NOL4: variants seen among roughly 807,000 people sequenced by gnomAD.
NOL4 encodes the protein cancer/testis antigen 125.
Under a neutral mutation model 75.9 loss-of-function variants are expected in NOL4, and 17 were observed. The ratio of observed to expected loss-of-function variants is 0.22; its 90% CI spans 0.15 to 0.34. The LOEUF (loss-of-function observed/expected upper bound fraction) is 0.34, where lower values mean the gene tolerates loss of function less well. Ranked by LOEUF, NOL4 falls within the 10% of genes least tolerant of loss-of-function variation. The pLI is 1.00. For synonymous variants in NOL4, 292 were observed against 289.9 expected, an observed-to-expected ratio of 1.01 and a Z score of -0.07; for missense variants, 614 against 793.5, an observed-to-expected ratio of 0.77 and a Z score of 2.72.
At chr18:34,168,672 G>A (rs2032697127) in intron 1 of NOL4, among the ~76,000 whole-genome samples, 1 of 151,538 alleles carries the variant, frequency 6.6e-6, no homozygotes, top group Admixed American at 6.6e-5. Flanking sequence ...TTAAACCCTT[G>A]ATAACAAAAG....
chr18:33,886,996 G>C (rs1271241218), intron 9 of NOL4, among the ~76,000 whole-genome samples: 1 of 127,454 alleles, frequency 7.8e-6, no homozygotes, highest in Non-Finnish European at 1.6e-5. Context: ...TATATATCTA[G>C]ATATATCTAT....
intron 1 of NOL4, among the ~76,000 whole-genome samples, chr18:34,148,986 A>G (rs760076740): frequency 1.3e-4 from 20 of 151,704 alleles, no homozygotes; most frequent in Middle Eastern, 3.2e-3. Context: ...ATTATTTAAT[A>G]TAAATATAGG....
intron 2 of NOL4, among the ~76,000 whole-genome samples, chr18:34,110,051 A>C (rs1202317825): frequency 2.8e-5 from 4 of 144,090 alleles, no homozygotes; most frequent in African/African-American, 1.0e-4. Context: ...TGACGGCTTC[A>C]CTGGTAAATT....
At chr18:34,075,509 C>T (rs953179344) in intron 5 of NOL4, among the ~76,000 whole-genome samples, 5 of 152,188 alleles carry the variant, frequency 3.3e-5, no homozygotes, top group African/African-American at 1.2e-4. Context: ...GAATTTTCCA[C>T]TTGTGGCATC....
chr18:34,215,292 G>A (rs1208090723), intron 1 of NOL4, among the ~76,000 whole-genome samples: 1 of 152,170 alleles, frequency 6.6e-6, no homozygotes, highest in Non-Finnish European at 1.5e-5. Flanking sequence ...GTCCCATTAT[G>A]TCATGTCAGA....
chr18:33,894,848 G>A (rs566727070), intron 9 of NOL4, among the ~76,000 whole-genome samples: 1 of 152,058 alleles, frequency 6.6e-6, no homozygotes, highest in South Asian at 2.1e-4. Context: ...GGAATGGAGG[G>A]TTGTTGATCA....
At chr18:34,151,999 A>T (rs1486138564) in intron 1 of NOL4, among the ~76,000 whole-genome samples, 1 of 151,806 alleles carries the variant, frequency 6.6e-6, no homozygotes. Context: ...ATCAATTTGA[A>T]AAAATGAAAA....
At chr18:34,147,080 C>T (rs972049649) in intron 1 of NOL4, among the ~76,000 whole-genome samples, 1 of 152,094 alleles carries the variant, frequency 6.6e-6, no homozygotes, top group Non-Finnish European at 1.5e-5. Context: ...TATCCTGAGA[C>T]TTTGCTGAAG....
At chr18:34,189,658 A>G (rs2034763397) in intron 1 of NOL4, among the ~76,000 whole-genome samples, 1 of 152,142 alleles carries the variant, frequency 6.6e-6, no homozygotes, top group Non-Finnish European at 1.5e-5. Context: ...ACTATATTCC[A>G]CCTGGTATAT....
At chr18:34,086,308 T>C (rs917112247) in intron 5 of NOL4, among the ~76,000 whole-genome samples, 2 of 152,154 alleles carry the variant, frequency 1.3e-5, no homozygotes, top group African/African-American at 4.8e-5. Flanking sequence ...AACATCCTTT[T>C]AACAATTTTT....
chr18:34,201,320 A>G (rs1157391222), intron 1 of NOL4, among the ~76,000 whole-genome samples: 2 of 151,854 alleles, frequency 1.3e-5, no homozygotes, highest in Non-Finnish European at 2.9e-5. Context: ...GTATGTAGAT[A>G]ATCTGAGGCA....
intron 1 of NOL4, among the ~76,000 whole-genome samples, chr18:34,168,067 TAATG>T (rs1244556913): frequency 1.3e-5 from 2 of 151,960 alleles, no homozygotes; most frequent in African/African-American, 4.8e-5. Context: ...TTCAAGGAGA[TAATG>T]AAAGAATTTT....
chr18:33,891,203 G>T (rs926463653), intron 9 of NOL4, among the ~76,000 whole-genome samples: 3 of 152,032 alleles, frequency 2.0e-5, no homozygotes, highest in Admixed American at 6.6e-5. Context: ...TTTTTCTCAT[G>T]CATACAACAA....
chr18:34,019,062 T>C (rs2074877215), intron 6 of NOL4, among the ~76,000 whole-genome samples: 9 of 152,138 alleles, frequency 5.9e-5, no homozygotes, highest in Admixed American at 5.9e-4. Flanking sequence ...ATTATATACA[T>C]GAGAAACATT....
intron 6 of NOL4, among the ~76,000 whole-genome samples, chr18:33,973,387 A>C (rs1350322265): frequency 6.6e-6 from 1 of 152,146 alleles, no homozygotes; most frequent in Non-Finnish European, 1.5e-5. Context: ...CTTGAATCTC[A>C]AAGTCATTCA....
intron 1 of NOL4, among the ~76,000 whole-genome samples, chr18:34,167,110 T>C (rs1396443550): frequency 1.4e-5 from 2 of 142,094 alleles, no homozygotes; most frequent in Admixed American, 6.9e-5. Context: ...GTATAACAAC[T>C]ATTTACAAAG....
intron 1 of NOL4, among the ~76,000 whole-genome samples, chr18:34,175,398 C>G (rs1469954206): frequency 6.6e-6 from 1 of 152,068 alleles, no homozygotes; most frequent in Non-Finnish European, 1.5e-5. Flanking sequence ...ACAGTTGAAT[C>G]AAATAGTAAA....
chr18:34,060,923 A>G (rs917737082), intron 5 of NOL4, among the ~76,000 whole-genome samples: 1 of 152,200 alleles, frequency 6.6e-6, no homozygotes, highest in Non-Finnish European at 1.5e-5. Flanking sequence ...AGTGCTATGT[A>G]AATGCACAAA....
intron 9 of NOL4, among the ~76,000 whole-genome samples, chr18:33,938,702 A>G (rs1427356020): frequency 6.6e-6 from 1 of 152,170 alleles, no homozygotes; most frequent in East Asian, 1.9e-4. Flanking sequence ...ATAGATTGCA[A>G]AAATGTTCTC....
Sources: allele counts gnomAD v4.1 joint callset (sites outside exome capture counted in the v4.1 genomes callset), GRCh38; gene constraint gnomAD v4.1.1; transcripts MANE v1.5; gene names NCBI Gene and HGNC (gene_info 2026-07-23, HGNC 2026-07-21).